The following VDR variants were observed in gnomAD, a reference collection of about 807,000 sequenced individuals.
VDR encodes the protein vitamin D receptor.
A neutral mutation model predicts 39.7 loss-of-function variants in VDR; 19 were observed. That is an observed-to-expected ratio of 0.48 (90% CI 0.33 to 0.70). The LOEUF is 0.70. Among genes scored for constraint, VDR ranks in the 30% least tolerant of loss-of-function variants. VDR has a pLI of 0.02. For missense variants in VDR, 442 were observed against 570.5 expected, an observed-to-expected ratio of 0.77 and a Z score of 2.29; for synonymous variants, 242 against 215.8, an observed-to-expected ratio of 1.12 and a Z score of -1.07.
At chr12:47,864,046 C>T (rs911905830) in intron 4 of VDR, among the ~76,000 whole-genome samples, 1 of 152,308 alleles carries the variant, frequency 6.6e-6, no homozygotes, top group East Asian at 1.9e-4. Flanking sequence ...ATCCCCACCC[C>T]GACTCCGACT....
intron 8 of VDR, 70 bp downstream of exon 8, chr12:47,846,587 A>G (rs1945285098): frequency 6.2e-7 from 1 of 1,605,022 alleles, no homozygotes; most frequent in Non-Finnish European, 8.5e-7. Context: ...TTGGAGCCAA[A>G]CCCCAGGACG....
intron 6 of VDR, 144 bp downstream of exon 6, chr12:47,856,985 T>A: frequency 7.7e-7 from 1 of 1,304,622 alleles, no homozygotes; most frequent in Non-Finnish European, 1.1e-6. Context: ...GGGGCTGTTG[T>A]GAAGACGCTG....
intron 4 of VDR, among the ~76,000 whole-genome samples, chr12:47,860,388 T>G (rs991662128): frequency 1.3e-5 from 2 of 152,198 alleles, no homozygotes; most frequent in African/African-American, 4.8e-5. Context: ...ACACCAACTG[T>G]GTGCAAATCA....
At position 47,879,127 on chromosome 12, in the gene VDR, G is replaced by A. The variant is rs1313856892; in HGVS notation, c.-2-12C>T. ...CATTGCCTCCATCCCTGTAAGAACAGCAAGCAGGCCACGGTCAGAGCCAGA... is the reference window on the plus strand; with the variant it reads ...CATTGCCTCCATCCCTGTAAGAACAACAAGCAGGCCACGGTCAGAGCCAGA... On this transcript the variant is annotated splice_polypyrimidine_tract_variant and intron_variant, in intron 2 of 9. Coordinates refer to ENST00000549336, the MANE Select transcript of VDR (RefSeq NM_000376.3). 2 of 1,613,042 alleles carry A rather than the reference G, an allele frequency of 1.2e-6. No homozygotes were observed. Among genetic ancestry groups the A allele is most frequent in the African/African-American group, 1.3e-5 (1 of 74,922 alleles).
chr12:47,859,738 A>G (rs1945567317), intron 4 of VDR, among the ~76,000 whole-genome samples: 2 of 152,080 alleles, frequency 1.3e-5, no homozygotes, highest in Admixed American at 6.5e-5. Context: ...TTCATTACCT[A>G]TAGACGGAGC....
intron 7 of VDR, among the ~76,000 whole-genome samples, chr12:47,853,728 C>T (rs540282206): frequency 1.4e-4 from 22 of 152,158 alleles, no homozygotes; most frequent in Middle Eastern, 3.4e-3. Flanking sequence ...GTACTCCGGC[C>T]TGGGCAACAA....
chr12:47,882,560 C>T (rs1044007061), intron 2 of VDR, 134 bp downstream of exon 2: 2 of 741,318 alleles, frequency 2.7e-6, no homozygotes, highest in East Asian at 5.5e-5. Flanking sequence ...TCTGCTGGCC[C>T]GGGACCCACC....
At chr12:47,892,391 T>A (rs1946387357) in intron 1 of VDR, among the ~76,000 whole-genome samples, 1 of 152,192 alleles carries the variant, frequency 6.6e-6, no homozygotes, top group Admixed American at 6.6e-5. Flanking sequence ...CAAGGTGACA[T>A]CGGCTGCTCC....
chr12:47,865,715 T>C (rs1333236478), intron 3 of VDR, among the ~76,000 whole-genome samples: 1 of 8,526 alleles, frequency 1.2e-4, no homozygotes, highest in Non-Finnish European at 3.9e-4. Context: ...ACTCCGACTC[T>C]TTTTTTTTTT....
At chr12:47,858,219 C>G (rs980503576) in intron 4 of VDR, among the ~76,000 whole-genome samples, 1 of 152,158 alleles carries the variant, frequency 6.6e-6, no homozygotes, top group Non-Finnish European at 1.5e-5. Context: ...CTTCCCTACC[C>G]TGATGTTCCA....
chr12:47,855,153 C>A (rs1018378978), intron 7 of VDR, among the ~76,000 whole-genome samples: 3 of 152,166 alleles, frequency 2.0e-5, no homozygotes, highest in Non-Finnish European at 4.4e-5. Context: ...CGTGGTGAAA[C>A]CCCGTCTCTA....
At chr12:47,899,658 C>A (rs1031205885) in intron 1 of VDR, among the ~76,000 whole-genome samples, 25 of 152,232 alleles carry the variant, frequency 1.6e-4, no homozygotes, top group African/African-American at 6.0e-4. Context: ...TGAGCATTTT[C>A]TCTTCCTGCG....
At chr12:47,902,482 A>G (rs1946584128) in intron 1 of VDR, among the ~76,000 whole-genome samples, 2 of 152,200 alleles carry the variant, frequency 1.3e-5, no homozygotes, top group African/African-American at 4.8e-5. Context: ...GCTTCCTGCT[A>G]TCCCTCAGAG....
rs184403335 is a variant in VDR at position 47,882,893 on chromosome 12, G to A, written c.-83-119C>T. On this transcript the variant is annotated intron_variant, in intron 1 of 9. Coordinates refer to ENST00000549336, the MANE Select transcript of VDR (RefSeq NM_000376.3). ...GACTTTAGTCCCCAGATCAGTGACT[G>A]CAAACAGAAGTGGCTTGTTGGGAGC... The A allele has an allele frequency of 1.1e-5, 8 of 743,466 alleles. No individual in the cohort carries two copies. In the Admixed American group the frequency reaches 2.3e-4, roughly 22 times the overall value. The allele number at this position is 743,466 out of a possible 1,614,324, so 46.1% of individuals were successfully genotyped here. A position where few individuals can be genotyped will look rare whatever the true frequency, so the allele number is the denominator to read the frequency against.
At chr12:47,868,346 G>A (rs1389274736) in intron 3 of VDR, among the ~76,000 whole-genome samples, 4 of 152,252 alleles carry the variant, frequency 2.6e-5, no homozygotes, top group African/African-American at 9.6e-5. Context: ...GGGTTGTCAG[G>A]AGGTGGAGCA....
At chr12:47,903,729 G>A (rs1431409478) in intron 1 of VDR, among the ~76,000 whole-genome samples, 1 of 152,156 alleles carries the variant, frequency 6.6e-6, no homozygotes, top group East Asian at 1.9e-4. Context: ...GGCTGCTAAT[G>A]AGACCACTAG....
chr12:47,873,406 G>C (rs1177820446), intron 3 of VDR, among the ~76,000 whole-genome samples: 3 of 119,036 alleles, frequency 2.5e-5, no homozygotes, highest in Non-Finnish European at 3.2e-5. Context: ...TGTCGCCCAC[G>C]CTGGAGTGCA....
At chr12:47,904,662 A>C in intron 1 of VDR, 3 of 1,529,582 alleles carry the variant, frequency 2.0e-6, no homozygotes, top group Non-Finnish European at 2.6e-6. Flanking sequence ...AAGGAAACAA[A>C]TACTTCTTGT....
chr12:47,869,353 G>A (rs962068837), intron 3 of VDR, among the ~76,000 whole-genome samples: 4 of 151,710 alleles, frequency 2.6e-5, no homozygotes, highest in African/African-American at 4.8e-5. Flanking sequence ...TGGCTAACAC[G>A]GTGAAACCCC....
Sources: gnomAD v4.1 joint callset for allele counts (sites outside exome capture counted in the v4.1 genomes callset) on GRCh38, gnomAD v4.1.1 for gene constraint, MANE v1.5 for transcripts, NCBI Gene and HGNC (gene_info 2026-07-23, HGNC 2026-07-21) for gene names.